Variants in MED27 observed in about 807,000 individuals in gnomAD.
MED27 encodes the protein mediator complex subunit 27, also known as mediator of RNA polymerase II transcription subunit 27.
Under a neutral mutation model 38.2 loss-of-function variants are expected in MED27, and 30 were observed. That is an observed-to-expected ratio of 0.79 (90% confidence interval 0.59 to 1.07). The LOEUF (loss-of-function observed/expected upper bound fraction) is 1.07. MED27 is among the 50% of genes least tolerant of loss of function. The pLI is 0.00. For missense variants in MED27, 289 were observed against 397.5 expected, an observed-to-expected ratio of 0.73 and a Z score of 2.32; for synonymous variants, 122 against 153.5, an observed-to-expected ratio of 0.79 and a Z score of 1.52.
chr9:132,070,383 C>G (rs936697620), intron 2 of MED27, among the ~76,000 whole-genome samples: 2 of 152,156 alleles, frequency 1.3e-5, no homozygotes, highest in African/African-American at 4.8e-5. Flanking sequence ...TAGTGAGACC[C>G]CCATCTCTAC....
At chr9:131,935,962 G>A (rs1483502450) in intron 4 of MED27, among the ~76,000 whole-genome samples, 25 of 151,426 alleles carry the variant, frequency 1.7e-4, no homozygotes, top group Admixed American at 1.6e-3. Flanking sequence ...CCAGCCTGCC[G>A]TCTCTACAAA....
chr9:131,963,624 C>T (rs1034269502), intron 3 of MED27, among the ~76,000 whole-genome samples: 3 of 152,136 alleles, frequency 2.0e-5, no homozygotes, highest in Non-Finnish European at 4.4e-5. Context: ...CGAATGCCTA[C>T]GCTTAATTTT....
At position 131,917,561 on chromosome 9, in the gene MED27, G is replaced by C. The variant is rs1207422916; in HGVS notation, c.573+21820C>G. Among the ~76,000 whole-genome samples, 2 of 152,012 alleles carry C rather than the reference G, an allele frequency of 1.3e-5. No individual in the cohort carries two copies. The highest frequency in any genetic ancestry group is 2.4e-5 in the African/African-American group (1 of 41,388). On this transcript the variant is annotated intron_variant, in intron 4 of 7. Coordinates refer to ENST00000292035, the MANE Select transcript of MED27 (RefSeq NM_004269.4). This position sits in a 1 kb window ranked among gnomAD's most constrained non-coding sequence, Gnocchi z 4.6. The stretch of plus-strand genomic sequence containing the variant: ...GAGATGAGAGCAGTGAAGATGGGGT[G>C]GGGGGCTAGTGTGCAGGGACGAGGT...
rs773356233 is a variant in MED27 at position 132,014,336 on chromosome 9, C to T, written c.479+1G>A. ...AGTAATTTTTCAAATCCATCACTCACTGAGGTGGTAGGACAAGAGTTGTGG... is the reference window on the plus strand; with the variant it reads ...AGTAATTTTTCAAATCCATCACTCATTGAGGTGGTAGGACAAGAGTTGTGG... On this transcript the variant is annotated splice_donor_variant, in intron 3 of 7. Coordinates refer to ENST00000292035, the MANE Select transcript of MED27 (RefSeq NM_004269.4). LOFTEE classifies it high-confidence loss of function. 1 of 1,611,042 alleles carries T rather than the reference C, an allele frequency of 6.2e-7. No homozygotes were observed. Among genetic ancestry groups the T allele is most frequent in the Non-Finnish European group, 8.5e-7 (1 of 1,179,366 alleles).
chr9:132,075,452 G>C (rs901539507), intron 2 of MED27, among the ~76,000 whole-genome samples: 16 of 152,258 alleles, frequency 1.1e-4, no homozygotes, highest in African/African-American at 3.6e-4. Context: ...TTATAATCTG[G>C]GATAAATGCA....
intron 3 of MED27, among the ~76,000 whole-genome samples, chr9:131,968,443 C>T (rs1039118637): frequency 2.1e-5 from 3 of 144,300 alleles, no homozygotes; most frequent in Non-Finnish European, 4.5e-5. Context: ...CACTGCACTC[C>T]AGCCTAGGCA....
chr9:131,935,650 C>T (rs1395659770), intron 4 of MED27, among the ~76,000 whole-genome samples: 8 of 152,072 alleles, frequency 5.3e-5, no homozygotes, highest in South Asian at 4.1e-4. Context: ...GCACATGTGG[C>T]AAATTGCATT....
chr9:132,066,596 G>T (rs1262782003), intron 2 of MED27, among the ~76,000 whole-genome samples: 1 of 152,236 alleles, frequency 6.6e-6, no homozygotes, highest in Admixed American at 6.5e-5. Context: ...CCTGGCCAGG[G>T]ACTGGCCCCA....
intron 4 of MED27, among the ~76,000 whole-genome samples, chr9:131,931,691 A>G (rs1027531561): frequency 6.6e-6 from 1 of 152,236 alleles, no homozygotes; most frequent in Middle Eastern, 3.2e-3. Flanking sequence ...ATGGAAACCA[A>G]AAGAGAGCAG....
rs1184532983 is a variant in MED27, at chr9:131,889,871, C to T, written c.681+4014G>A. ...ACCCAGGGCCTCTGTGGCTGTGCTCCAGGAGACTGCAGCAAAACACCCCCC... is the reference window on the plus strand; with the variant it reads ...ACCCAGGGCCTCTGTGGCTGTGCTCTAGGAGACTGCAGCAAAACACCCCCC... On this transcript the variant is annotated intron_variant, in intron 5 of 7. Coordinates refer to ENST00000292035, the MANE Select transcript of MED27 (RefSeq NM_004269.4). This position sits in a 1 kb window ranked among gnomAD's most constrained non-coding sequence, Gnocchi z 4.2. Among the ~76,000 whole-genome samples the T allele has an allele frequency of 1.3e-5, 2 of 152,186 alleles. No individual in the cohort carries two copies. Among genetic ancestry groups the T allele is most frequent in the Non-Finnish European group, 2.9e-5 (2 of 68,038 alleles).
chr9:131,909,767 A>G (rs1035026310), intron 4 of MED27, among the ~76,000 whole-genome samples: 5 of 152,188 alleles, frequency 3.3e-5, no homozygotes, highest in Non-Finnish European at 7.3e-5. Flanking sequence ...GCAACCAAAC[A>G]ACACTGTTTG....
intron 2 of MED27, among the ~76,000 whole-genome samples, chr9:132,023,528 T>C (rs1398625575): frequency 6.6e-6 from 1 of 152,186 alleles, no homozygotes; most frequent in Non-Finnish European, 1.5e-5. Flanking sequence ...GAAATGCCTG[T>C]TTCTGCTTTA....
chr9:132,077,983 C>G (rs569912015), intron 1 of MED27, among the ~76,000 whole-genome samples: 2 of 152,180 alleles, frequency 1.3e-5, no homozygotes, highest in East Asian at 1.9e-4. Flanking sequence ...CTTGGCAGAA[C>G]AGCAAGTACC....
intron 4 of MED27, among the ~76,000 whole-genome samples, chr9:131,902,214 A>G (rs1829961510): frequency 1.3e-5 from 2 of 152,068 alleles, no homozygotes; most frequent in Admixed American, 1.3e-4. Context: ...TACTTGTAGC[A>G]TTTTTTAAAA....
At chr9:132,070,668 T>C (rs1197551118) in intron 2 of MED27, among the ~76,000 whole-genome samples, 1 of 151,498 alleles carries the variant, frequency 6.6e-6, no homozygotes, top group Non-Finnish European at 1.5e-5. Context: ...ATGAGAAGAG[T>C]CCCCTTTGGT....
At chr9:131,886,120 G>A (rs188111734) in intron 5 of MED27, among the ~76,000 whole-genome samples, 3 of 152,290 alleles carry the variant, frequency 2.0e-5, no homozygotes, top group East Asian at 3.9e-4. Context: ...TCTATTCTGC[G>A]GAATACACTG....
intron 2 of MED27, among the ~76,000 whole-genome samples, chr9:132,030,485 G>A (rs992238109): frequency 2.6e-5 from 4 of 152,088 alleles, no homozygotes; most frequent in East Asian, 1.9e-4. Flanking sequence ...CAGGAGCTTC[G>A]TGTTTTATCA....
chr9:132,066,189 G>A (rs962470865), intron 2 of MED27, among the ~76,000 whole-genome samples: 1 of 152,254 alleles, frequency 6.6e-6, no homozygotes, highest in Non-Finnish European at 1.5e-5. Context: ...ACTGCCCAGA[G>A]GCTGTGGGGC....
intron 2 of MED27, among the ~76,000 whole-genome samples, chr9:132,036,007 G>A (rs751558668): frequency 6.6e-6 from 1 of 152,058 alleles, no homozygotes; most frequent in South Asian, 2.1e-4. Flanking sequence ...AGACCACAGA[G>A]AATGGGGCCT....
Sources: gnomAD v4.1 joint callset for allele counts (sites outside exome capture counted in the v4.1 genomes callset) on GRCh38, gnomAD v4.1.1 for gene constraint, Gnocchi (gnomAD v3.1) non-coding constraint, MANE v1.5 for transcripts, NCBI Gene and HGNC (gene_info 2026-07-23, HGNC 2026-07-21) for gene names.